The following PLCB4 variants were observed in gnomAD, a reference collection of about 807,000 sequenced individuals.
The protein encoded by PLCB4 is 1-phosphatidylinositol 4,5-bisphosphate phosphodiesterase beta-4.
PLCB4 carries 77 observed loss-of-function variants against 178.8 expected under a neutral mutation model. That is an observed-to-expected ratio of 0.43 (90% confidence interval 0.36 to 0.52). The LOEUF is 0.52. Among genes scored for constraint, PLCB4 ranks in the 20% least tolerant of loss-of-function variants. The pLI, the probability that PLCB4 is intolerant of heterozygous loss-of-function variation, is 0.00. For synonymous variants in PLCB4, 496 were observed against 490.8 expected (o/e 1.01, Z -0.14); for missense variants, 1,024 against 1,453.4 (o/e 0.70, Z 4.80).
chr20:9,440,997 T>C (rs2042070246), intron 30 of PLCB4, among the ~76,000 whole-genome samples: 1 of 152,122 alleles, frequency 6.6e-6, no homozygotes, highest in African/African-American at 2.4e-5. Context: ...TTTACAACTG[T>C]CAGTGGGAGG....
intron 28 of PLCB4, among the ~76,000 whole-genome samples, chr20:9,430,638 C>T (rs1488217309): frequency 3.3e-5 from 5 of 152,134 alleles, no homozygotes; most frequent in Non-Finnish European, 5.9e-5. Context: ...CAGCAGGCTC[C>T]GATTTTGTTG....
At chr20:9,402,750 A>G (rs1433845573) in intron 20 of PLCB4, among the ~76,000 whole-genome samples, 3 of 152,188 alleles carry the variant, frequency 2.0e-5, no homozygotes, top group Non-Finnish European at 4.4e-5. Context: ...TGGGAATGAG[A>G]GAGAAAGAAG....
intron 19 of PLCB4, among the ~76,000 whole-genome samples, chr20:9,399,806 G>T (rs538777704): frequency 6.0e-4 from 92 of 152,276 alleles, no homozygotes; most frequent in African/African-American, 2.1e-3. Context: ...TAAATTAAAT[G>T]AAATGAAATT....
At chr20:9,314,108 G>A (rs1486496482) in intron 4 of PLCB4, among the ~76,000 whole-genome samples, 2 of 152,284 alleles carry the variant, frequency 1.3e-5, no homozygotes, top group South Asian at 4.2e-4. Flanking sequence ...GGGGTAAGGG[G>A]ATTATTCAGC....
chr20:9,258,904 T>A (rs1441426620), intron 3 of PLCB4, among the ~76,000 whole-genome samples: 1 of 152,052 alleles, frequency 6.6e-6, no homozygotes, highest in Non-Finnish European at 1.5e-5. Flanking sequence ...CCCCAGATCA[T>A]TCCTAAAAGA....
At chr20:9,412,162 T>C (rs1036147275) in intron 25 of PLCB4, among the ~76,000 whole-genome samples, 1 of 152,228 alleles carries the variant, frequency 6.6e-6, no homozygotes, top group African/African-American at 2.4e-5. Context: ...AAGAGAAAGA[T>C]CTGAATTCAT....
intron 3 of PLCB4, among the ~76,000 whole-genome samples, chr20:9,267,132 T>G (rs1463298591): frequency 6.6e-6 from 1 of 152,196 alleles, no homozygotes; most frequent in Non-Finnish European, 1.5e-5. Context: ...TTAGGTACTC[T>G]CTCTAGTCAC....
chr20:9,274,334 G>C (rs542183494), intron 3 of PLCB4, among the ~76,000 whole-genome samples: 1 of 151,948 alleles, frequency 6.6e-6, no homozygotes, highest in East Asian at 1.9e-4. Context: ...AAACTTTCTT[G>C]TATGTCATCT....
In PLCB4 at chr20:9,087,111, TA is replaced by T. The variant is rs1338502224; in HGVS notation, c.-134-9169del. ...AGAGCATATAGTTGATTCTTGCTTT[TA>T]AAAAAATCTATTCCGATAATCTTTG... On this transcript the variant is annotated intron_variant, in intron 1 of 39. Transcript: ENST00000378473. 5.3e-5 allele frequency among the ~76,000 whole-genome samples: 8 copies of T among 152,342 alleles called. No homozygotes were observed. In the South Asian group the frequency reaches 1.7e-3, roughly 32 times the overall value.
intron 13 of PLCB4, among the ~76,000 whole-genome samples, chr20:9,382,775 G>A (rs1163429577): frequency 6.6e-6 from 1 of 152,024 alleles, no homozygotes; most frequent in African/African-American, 2.4e-5. Context: ...ATATTTATTT[G>A]TTTACTTATT....
At position 9,224,501 on chromosome 20, in the gene PLCB4, A is replaced by G. The variant is rs553410742; in HGVS notation, c.-16+7049A>G. 2.0e-4 allele frequency among the ~76,000 whole-genome samples: 31 copies of G among 152,266 alleles called. No homozygotes were observed. The South Asian group carries it at 6.4e-3, about 32-fold the overall frequency. The stretch of plus-strand genomic sequence containing the variant: ...TCTCCTCTCATTTTTTAATTTGTGG[A>G]GCAATTGAGAGAGAGGAGAGAGAAA... On this transcript the variant is annotated intron_variant, in intron 3 of 39. Transcript: ENST00000378473.
intron 7 of PLCB4, among the ~76,000 whole-genome samples, chr20:9,361,521 T>G (rs1211088255): frequency 6.6e-6 from 1 of 152,124 alleles, no homozygotes; most frequent in Non-Finnish European, 1.5e-5. Flanking sequence ...ATATGGAGTT[T>G]CAGTTTTGCA....
intron 27 of PLCB4, among the ~76,000 whole-genome samples, chr20:9,421,754 A>G (rs1038585881): frequency 6.6e-6 from 1 of 152,150 alleles, no homozygotes; most frequent in Non-Finnish European, 1.5e-5. Context: ...CGTACACTAG[A>G]GAGTTCTTCC....
chr20:9,323,069 T>C (rs2094978998), intron 4 of PLCB4, among the ~76,000 whole-genome samples: 1 of 152,242 alleles, frequency 6.6e-6, no homozygotes, highest in African/African-American at 2.4e-5. Flanking sequence ...TCTACCTCAT[T>C]CCAAGTAATT....
At chr20:9,285,600 C>T (rs1443320725) in intron 3 of PLCB4, among the ~76,000 whole-genome samples, 1 of 151,944 alleles carries the variant, frequency 6.6e-6, no homozygotes, top group African/African-American at 2.4e-5. Flanking sequence ...AGTAAATAAA[C>T]ATTACAGAGG....
chr20:9,108,056 A>G (rs2091434503), intron 2 of PLCB4, among the ~76,000 whole-genome samples: 2 of 152,150 alleles, frequency 1.3e-5, no homozygotes, highest in East Asian at 3.9e-4. Flanking sequence ...TGGAAGTGCT[A>G]TTTGCTAGAA....
intron 2 of PLCB4, among the ~76,000 whole-genome samples, chr20:9,176,734 T>C (rs1320573878): frequency 1.3e-5 from 2 of 152,222 alleles, no homozygotes; most frequent in Non-Finnish European, 2.9e-5. Context: ...ATATAAGTAA[T>C]TTCTGTGTTT....
intron 2 of PLCB4, among the ~76,000 whole-genome samples, chr20:9,127,848 C>A (rs2146793077): frequency 6.6e-6 from 1 of 152,180 alleles, no homozygotes; most frequent in South Asian, 2.1e-4. Flanking sequence ...CCACACCCGG[C>A]TACTTTTTGT....
chr20:9,357,277 T>C (rs2034919075), intron 7 of PLCB4, among the ~76,000 whole-genome samples: 1 of 152,206 alleles, frequency 6.6e-6, no homozygotes, highest in East Asian at 1.9e-4. Context: ...CTGCTGCCTA[T>C]AGCATCTTGC....
Sources: allele counts gnomAD v4.1 joint callset (sites outside exome capture counted in the v4.1 genomes callset), GRCh38; gene constraint gnomAD v4.1.1; transcripts MANE v1.5; gene names NCBI Gene and HGNC (gene_info 2026-07-23, HGNC 2026-07-21).